The following PRORP variants were observed in gnomAD, a reference collection of about 807,000 sequenced individuals.
PRORP encodes the protein mitochondrial ribonuclease P catalytic subunit.
PRORP carries 51 observed loss-of-function variants against 59.4 expected under a neutral mutation model. The ratio of observed to expected loss-of-function variants is 0.86; its 90% CI spans 0.69 to 1.08. The LOEUF is 1.08. Ranked by LOEUF, PRORP falls within the 50% of genes least tolerant of loss-of-function variation. The pLI, the probability that PRORP is intolerant of heterozygous loss-of-function variation, is 0.00. For missense variants in PRORP, 646 were observed against 690.3 expected (o/e 0.94, Z 0.72); for synonymous variants, 231 against 245.6 (o/e 0.94, Z 0.55).
At chr14:35,135,880 C>T (rs1448062893) in intron 4 of PRORP, among the ~76,000 whole-genome samples, 2 of 151,584 alleles carry the variant, frequency 1.3e-5, no homozygotes, top group Admixed American at 6.6e-5. Flanking sequence ...ATCGCTGGAA[C>T]CTGGGAGGCG....
rs376367720 is a variant in PRORP, at chr14:35,123,770, C to T, written c.525C>T (p.Tyr175=). 187 of 1,614,006 alleles carry T rather than the reference C, an allele frequency of 1.2e-4. 1 individual carries two copies. Among genetic ancestry groups the T allele is most frequent in the Non-Finnish European group, 1.9e-5 (23 of 1,180,028 alleles). The part of the protein sequence containing the change: ...VAAKNNGIVS[Y]DLLVKYLYLC... ...CCAAAAATAATGGTATTGTAAGTTA[C>T]GATTTACTGGTCAAGTATTTGTATC... Residue 175 remains tyrosine (Y), a synonymous_variant, in exon 2 of 8, where the codon TAC becomes TAT. Transcript: ENST00000534898.
chr14:35,260,440 A>C (rs2050874943), intron 5 of PRORP, among the ~76,000 whole-genome samples: 3 of 152,150 alleles, frequency 2.0e-5, no homozygotes, highest in Admixed American at 2.0e-4. Flanking sequence ...GAGAAAAACA[A>C]ATTTTCCTTT....
chr14:35,234,156 T>G (rs2050148047), intron 5 of PRORP, among the ~76,000 whole-genome samples: 1 of 152,058 alleles, frequency 6.6e-6, no homozygotes, highest in African/African-American at 2.4e-5. Context: ...GCATGTAGGG[T>G]TGGAAAAGGT....
chr14:35,272,539 G>T (rs998598645), intron 7 of PRORP, among the ~76,000 whole-genome samples: 3 of 152,102 alleles, frequency 2.0e-5, no homozygotes, highest in Non-Finnish European at 4.4e-5. Flanking sequence ...TATAGTTGAA[G>T]AACTATTAAT....
chr14:35,243,366 C>T (rs1279277284), intron 5 of PRORP, among the ~76,000 whole-genome samples: 1 of 151,814 alleles, frequency 6.6e-6, no homozygotes, highest in Non-Finnish European at 1.5e-5. Flanking sequence ...AGACTCTCAT[C>T]TCTATAAAAA....
intron 5 of PRORP, among the ~76,000 whole-genome samples, chr14:35,225,365 AG>A (rs1187459748): frequency 6.6e-6 from 1 of 151,738 alleles, no homozygotes; most frequent in Non-Finnish European, 1.5e-5. Flanking sequence ...CTTTTTTTTA[AG>A]ATGGAGTTTT....
At chr14:35,209,977 C>A (rs996803231) in intron 5 of PRORP, among the ~76,000 whole-genome samples, 4 of 152,128 alleles carry the variant, frequency 2.6e-5, no homozygotes. Context: ...AGAGCACTCT[C>A]TCTAAATGAG....
intron 4 of PRORP, among the ~76,000 whole-genome samples, chr14:35,178,898 T>A (rs139513588): frequency 0.061 from 9,358 of 152,316 alleles, 375 homozygotes; most frequent in Middle Eastern, 0.11. Flanking sequence ...CTTTCCACGT[T>A]TAGTGCTTCC....
At chr14:35,257,122 G>A (rs938062345) in intron 5 of PRORP, among the ~76,000 whole-genome samples, 4 of 151,748 alleles carry the variant, frequency 2.6e-5, no homozygotes, top group Admixed American at 6.6e-5. Context: ...TGATTTGCCC[G>A]CCTCAGCCTC....
At position 35,172,923 on chromosome 14, in the gene PRORP, A is replaced by C. The variant is rs2048358327; in HGVS notation, c.1168-7747A>C. ...CTCTCTGTTGCCCAGGCTGGAGTGC[A>C]GTGGCGTGATCTTGGCTCACTGCAA... On this transcript the variant is annotated intron_variant, in intron 4 of 7. Coordinates refer to ENST00000534898, the MANE Select transcript of PRORP (RefSeq NM_014672.4). Among the ~76,000 whole-genome samples, 3 of 149,900 alleles carry C rather than the reference A, an allele frequency of 2.0e-5. No homozygotes were observed. The Admixed American group carries it at 2.0e-4, about 10-fold the overall frequency.
chr14:35,133,054 T>A (rs2047289282), intron 4 of PRORP, among the ~76,000 whole-genome samples: 1 of 152,060 alleles, frequency 6.6e-6, no homozygotes. Flanking sequence ...CTTGAGTAGC[T>A]GGGATTACAG....
In PRORP at chr14:35,276,452, C is replaced by T. The variant is rs745577786; in HGVS notation, c.*2886C>T. On this transcript the variant is annotated 3_prime_UTR_variant, in exon 8 of 8. Transcript: ENST00000534898. The stretch of plus-strand genomic sequence containing the variant: ...CTCTAATACTGTTTAGAAACAAAAC[C>T]CTAACTTCTGCTTGAGATAAACTGA... 3.3e-5 allele frequency: 5 copies of T among 151,724 alleles called. No homozygotes were observed. Among genetic ancestry groups the T allele is most frequent in the Non-Finnish European group, 7.4e-5 (5 of 68,018 alleles). 9.4% of individuals were successfully genotyped at this position (151,724 alleles called of 1,614,324 possible).
chr14:35,154,625 C>T (rs1036987146), intron 4 of PRORP, among the ~76,000 whole-genome samples: 4 of 151,488 alleles, frequency 2.6e-5, no homozygotes. Flanking sequence ...TAAATTACAC[C>T]TCAAGGGTAC....
At chr14:35,228,479 C>T (rs1000830362) in intron 5 of PRORP, among the ~76,000 whole-genome samples, 2 of 152,192 alleles carry the variant, frequency 1.3e-5, no homozygotes, top group African/African-American at 4.8e-5. Context: ...CGCTAGTAGT[C>T]CCAGTGTCCG....
At chr14:35,135,761 CAGCCTGGGCAATATGGGAAA>C (rs1210257715) in intron 4 of PRORP, among the ~76,000 whole-genome samples, 1 of 151,968 alleles carries the variant, frequency 6.6e-6, no homozygotes, top group Non-Finnish European at 1.5e-5. Context: ...AGTTTGAGAC[CAGCCTGGGCAATATGGGAAA>C]ACCCCGTCTC....
At position 35,223,150 on chromosome 14, in the gene PRORP, T is replaced by C. The variant is rs531271237; in HGVS notation, c.1275+42373T>C. On this transcript the variant is annotated intron_variant, in intron 5 of 7. Coordinates refer to ENST00000534898, the MANE Select transcript of PRORP (RefSeq NM_014672.4). Reference sequence around the variant, plus strand: ...TCTTGTCAGTCATTATAGTCTTGGATAGAAGTTCTCTTTGTTGTTTTCTCC... The same window carrying C: ...TCTTGTCAGTCATTATAGTCTTGGACAGAAGTTCTCTTTGTTGTTTTCTCC... Among the ~76,000 whole-genome samples, 3 of 152,268 alleles carry C rather than the reference T, an allele frequency of 2.0e-5. No homozygotes were observed. In the South Asian group the frequency reaches 6.2e-4, roughly 32 times the overall value.
chr14:35,228,058 G>T (rs935521746), intron 5 of PRORP, among the ~76,000 whole-genome samples: 5 of 152,150 alleles, frequency 3.3e-5, no homozygotes, highest in African/African-American at 1.2e-4. Context: ...CAGAAGAATC[G>T]CTTGAACCCA....
At chr14:35,267,429 G>A (rs2051068582) in intron 6 of PRORP, among the ~76,000 whole-genome samples, 1 of 152,122 alleles carries the variant, frequency 6.6e-6, no homozygotes, top group South Asian at 2.1e-4. Flanking sequence ...GATTCGATGA[G>A]GAGTGAGTTA....
At chr14:35,202,656 G>A (rs150948773) in intron 5 of PRORP, among the ~76,000 whole-genome samples, 84 of 152,090 alleles carry the variant, frequency 5.5e-4, no homozygotes, top group African/African-American at 2.0e-3. Context: ...TAGAGACAGG[G>A]CCTCCTTCTA....
Sources: allele counts gnomAD v4.1 joint callset (sites outside exome capture counted in the v4.1 genomes callset), GRCh38; gene constraint gnomAD v4.1.1; transcripts MANE v1.5; gene names NCBI Gene and HGNC (gene_info 2026-07-23, HGNC 2026-07-21).